The following DAB1 variants were observed in gnomAD, a reference collection of about 807,000 sequenced individuals.
DAB1 encodes DAB adaptor protein 1, also known as disabled homolog 1.
Under a neutral mutation model 64.6 loss-of-function variants are expected in DAB1, and 15 were observed. That is an observed-to-expected ratio of 0.23 (90% CI 0.16 to 0.36). The LOEUF is 0.36. Ranked by LOEUF, DAB1 falls within the 10% of genes least tolerant of loss-of-function variation. The pLI, the probability that DAB1 is intolerant of heterozygous loss-of-function variation, is 1.00. For synonymous variants in DAB1, 235 were observed against 251.9 expected (o/e 0.93, Z 0.64); for missense variants, 596 against 706.7 (o/e 0.84, Z 1.78).
chr1:58,189,082 A>T (rs1424708134), intron 4 of DAB1, among the ~76,000 whole-genome samples: 1 of 152,240 alleles, frequency 6.6e-6, no homozygotes, highest in Non-Finnish European at 1.5e-5. Context: ...CCAGCATTTT[A>T]GCACAAAATT....
chr1:57,800,303 C>T (rs1420074396), intron 6 of DAB1, among the ~76,000 whole-genome samples: 1 of 151,964 alleles, frequency 6.6e-6, no homozygotes, highest in South Asian at 2.1e-4. Flanking sequence ...ATCAGCAGGA[C>T]CCAGGGGACT....
chr1:58,159,177 T>G (rs1288983395), intron 4 of DAB1, among the ~76,000 whole-genome samples: 2 of 152,176 alleles, frequency 1.3e-5, no homozygotes, highest in East Asian at 3.9e-4. Context: ...CTCTGAGCCT[T>G]ATTTATGAAA....
intron 2 of DAB1, among the ~76,000 whole-genome samples, chr1:57,282,206 A>C (rs113453899): frequency 0.52 from 70,836 of 135,620 alleles, 19,711 homozygotes; most frequent in Admixed American, 0.66. Flanking sequence ...AAAAAAAAAA[A>C]AAAAAACAGG....
At chr1:57,788,079 C>T (rs189638910) in intron 6 of DAB1, among the ~76,000 whole-genome samples, 1 of 152,108 alleles carries the variant, frequency 6.6e-6, no homozygotes, top group East Asian at 1.9e-4. Context: ...GTAAATGTTA[C>T]AATCCCTTGG....
At chr1:57,214,192 T>C (rs773027516) in intron 2 of DAB1, among the ~76,000 whole-genome samples, 5 of 152,220 alleles carry the variant, frequency 3.3e-5, no homozygotes, top group Non-Finnish European at 5.9e-5. Flanking sequence ...AGGGCCTTCT[T>C]GCTGAGTCCT....
chr1:57,918,492 C>A (rs536058421), intron 5 of DAB1, among the ~76,000 whole-genome samples: 2 of 152,094 alleles, frequency 1.3e-5, no homozygotes, highest in African/African-American at 4.8e-5. Context: ...CTAATCCAGT[C>A]GTGCCATAGT....
chr1:58,167,667 T>G (rs1018059972), intron 4 of DAB1, among the ~76,000 whole-genome samples: 3 of 152,228 alleles, frequency 2.0e-5, no homozygotes, highest in African/African-American at 7.2e-5. Context: ...CGCATTACTT[T>G]TATGAGCTGT....
intron 2 of DAB1, among the ~76,000 whole-genome samples, chr1:57,196,666 C>A (rs1439325538): frequency 6.6e-6 from 1 of 152,140 alleles, no homozygotes; most frequent in Non-Finnish European, 1.5e-5. Context: ...AATGGAGACT[C>A]CAGAATATTA....
At chr1:58,481,273 TG>T (rs1431921820) in intron 3 of DAB1, 2 of 448,824 alleles carry the variant, frequency 4.5e-6, no homozygotes, top group Admixed American at 4.0e-5. Context: ...AAACAAAGAA[TG>T]TATTGTTATT....
chr1:57,440,560 AGGAG>A (rs201663510), intron 7 of DAB1, among the ~76,000 whole-genome samples: 1,623 of 152,200 alleles, frequency 0.011, 31 homozygotes, highest in African/African-American at 0.037. Context: ...GAAGGAAGAA[AGGAG>A]GGAGGGAGGG....
intron 7 of DAB1, among the ~76,000 whole-genome samples, chr1:57,524,674 C>T (rs939674689): frequency 4.6e-5 from 7 of 152,044 alleles, no homozygotes; most frequent in African/African-American, 1.7e-4. Flanking sequence ...TTAAGGGTGG[C>T]GGAGATTACA....
chr1:57,616,660 A>G (rs1234285231), intron 7 of DAB1, among the ~76,000 whole-genome samples: 1 of 152,170 alleles, frequency 6.6e-6, no homozygotes, highest in Non-Finnish European at 1.5e-5. Context: ...AAATCCTTTC[A>G]GATTCTTTTT....
At chr1:58,466,916 C>A (rs72669882) in intron 3 of DAB1, among the ~76,000 whole-genome samples, 7,307 of 152,184 alleles carry the variant, frequency 0.048, 229 homozygotes, top group East Asian at 0.11. Context: ...GTGCCTGGTG[C>A]AGTAGTGCCT....
At chr1:57,247,880 C>T (rs549454914) in intron 2 of DAB1, among the ~76,000 whole-genome samples, 1 of 152,336 alleles carries the variant, frequency 6.6e-6, no homozygotes, top group Admixed American at 6.5e-5. Context: ...TAGAAAATGG[C>T]AGAGCCTCCT....
At chr1:57,786,575 T>C (rs1650348767) in intron 6 of DAB1, among the ~76,000 whole-genome samples, 1 of 152,210 alleles carries the variant, frequency 6.6e-6, no homozygotes, top group African/African-American at 2.4e-5. Context: ...TTCTATGTGC[T>C]TGACATTGCT....
intron 7 of DAB1, among the ~76,000 whole-genome samples, chr1:57,438,786 A>T (rs1259127684): frequency 6.6e-6 from 1 of 152,176 alleles, no homozygotes; most frequent in African/African-American, 2.4e-5. Context: ...TGGAACTAAC[A>T]GTACTATGAA....
chr1:57,147,868 G>T (rs1275522346), intron 2 of DAB1, among the ~76,000 whole-genome samples: 6 of 152,224 alleles, frequency 3.9e-5, no homozygotes, highest in Non-Finnish European at 7.3e-5. Context: ...TAGAGGCCAT[G>T]TAACTTGTCC....
chr1:57,203,465 A>G (rs1431303446), intron 2 of DAB1, among the ~76,000 whole-genome samples: 2 of 152,132 alleles, frequency 1.3e-5, no homozygotes, highest in Admixed American at 1.3e-4. Flanking sequence ...GGTGAGTGGG[A>G]ACCAGTGGCC....
intron 7 of DAB1, among the ~76,000 whole-genome samples, chr1:57,459,759 C>T (rs1054535971): frequency 6.6e-6 from 1 of 152,200 alleles, no homozygotes; most frequent in African/African-American, 2.4e-5. Flanking sequence ...TGAGCCAATG[C>T]TGTTCTCATG....
Sources: gnomAD v4.1 joint callset for allele counts (sites outside exome capture counted in the v4.1 genomes callset) on GRCh38, gnomAD v4.1.1 for gene constraint, MANE v1.5 for transcripts, NCBI Gene and HGNC (gene_info 2026-07-23, HGNC 2026-07-21) for gene names.